The following NPY4R variants were observed in gnomAD, a reference collection of about 807,000 sequenced individuals.
NPY4R encodes the protein neuropeptide Y receptor type 4.
A neutral mutation model predicts 11.9 loss-of-function variants in NPY4R; 2 were observed. The observed-to-expected ratio is 0.17, with a 90% CI of 0.07 to 0.53. The LOEUF is 0.53. NPY4R is among the 20% of genes least tolerant of loss of function. The pLI is 0.94. For synonymous variants in NPY4R, 8 were observed against 121.7 expected, an observed-to-expected ratio of 0.07 and a Z score of 6.15; for missense variants, 26 against 280.2, an observed-to-expected ratio of 0.09 and a Z score of 6.48.
At chr10:46,467,514 C>A (rs1263873490), upstream of NPY4R, among the ~76,000 whole-genome samples, 1 of 150,954 alleles carries the variant, frequency 6.6e-6, no homozygotes, top group African/African-American at 2.4e-5. Flanking sequence ...GCTGCAGAAG[C>A]AGATGTAGCA....
upstream of NPY4R, among the ~76,000 whole-genome samples, chr10:46,466,258 T>TCTCC (rs1841040471): frequency 1.6e-5 from 1 of 62,606 alleles, no homozygotes; most frequent in African/African-American, 1.0e-4. Context: ...TTTCTTTCTT[T>TCTCC]CTTTCCTTTC....
upstream of NPY4R, among the ~76,000 whole-genome samples, chr10:46,466,263 CCTTTCTTTCTTTCTTTCTT>C (rs1841042823): frequency 3.3e-3 from 41 of 12,484 alleles, 2 homozygotes; most frequent in African/African-American, 8.7e-3. Context: ...TTCTTTCTTT[CCTTTCTTTCTTTCTTTCTT>C]TCTCTCTCTC....
At position 46,465,694 on chromosome 10, in the gene NPY4R, T is replaced by C. The variant is rs2133078975; in HGVS notation, c.-232A>G. 1 of 131,840 alleles carries C rather than the reference T, an allele frequency of 7.6e-6. No individual in the cohort carries two copies. The highest frequency in any genetic ancestry group is 2.9e-4 in the East Asian group (1 of 3,480). The allele number at this position is 131,840 out of a possible 1,614,324, so 8.2% of individuals were successfully genotyped here. A position where few individuals can be genotyped will look rare whatever the true frequency, so the allele number is the denominator to read the frequency against. On this transcript the variant is annotated 5_prime_UTR_variant, in exon 1 of 3. The change abolishes the stop of an existing upstream ORF in the 5' untranslated region. Transcript: ENST00000374312. ...ACCCCTTACCTCCTTGGCTTGCGGC[T>C]TACAGGGTGCGGATGGGGCCGCCCA...
chr10:46,464,101 G>A (rs1209990265), intron 1 of NPY4R, among the ~76,000 whole-genome samples: 1 of 149,866 alleles, frequency 6.7e-6, no homozygotes, highest in Non-Finnish European at 1.5e-5. Flanking sequence ...TTTGTCGGCT[G>A]TCATGAATGT....
upstream of NPY4R, among the ~76,000 whole-genome samples, chr10:46,466,187 C>CTCT (rs1372019604): frequency 1.4e-3 from 14 of 9,978 alleles, no homozygotes; most frequent in African/African-American, 6.3e-3. Context: ...TTCTCTCTTT[C>CTCT]TTTCTTTCTT....
chr10:46,463,984 TAA>T (rs2133077033), intron 1 of NPY4R, 99 bp from the exon 2 acceptor site: 1 of 142,964 alleles, frequency 7.0e-6, no homozygotes, highest in African/African-American at 2.7e-5. Flanking sequence ...AGATATTCTT[TAA>T]GTCTCATATC....
upstream of NPY4R, among the ~76,000 whole-genome samples, chr10:46,467,992 T>A (rs1486591965): frequency 9.1e-6 from 1 of 110,082 alleles, no homozygotes; most frequent in Non-Finnish European, 1.9e-5. Context: ...AGCAAACAGC[T>A]CCCTTGCCAG....
upstream of NPY4R, among the ~76,000 whole-genome samples, chr10:46,466,049 C>T (rs1254704584): frequency 6.6e-6 from 1 of 150,614 alleles, no homozygotes; most frequent in African/African-American, 2.4e-5. Context: ...TGCCCCGGGA[C>T]CCCAGCACTC....
chr10:46,466,284 C>CTTTCTT, upstream of NPY4R, among the ~76,000 whole-genome samples: 1 of 33,040 alleles, frequency 3.0e-5, no homozygotes, highest in African/African-American at 1.3e-4. Flanking sequence ...TTCTTTCTTT[C>CTTTCTT]TCTCTCTCTC....
chr10:46,466,249 TTC>T (rs1277829870), upstream of NPY4R, among the ~76,000 whole-genome samples: 16 of 67,802 alleles, frequency 2.4e-4, 2 homozygotes, highest in Admixed American at 1.6e-3. Context: ...CTTTCTTTCT[TTC>T]TTTCTTTCTT....
At position 46,463,904 on chromosome 10, in the gene NPY4R, CTA is replaced by C. The variant is rs1205419131; in HGVS notation, c.-215-21_-215-20del. ...CAGGAATCTGTATTTAACAAGTAGA[CTA>C]TGTGATTCTGATGCACATGGCCCTT... is the stretch of plus-strand genomic sequence containing the variant. On this transcript the variant is annotated intron_variant, in intron 1 of 2. Transcript: ENST00000374312. 2.1e-5 allele frequency: 3 copies of C among 145,328 alleles called. No homozygotes were observed. The highest frequency in any genetic ancestry group is 3.0e-5 in the Non-Finnish European group (2 of 66,946). The allele number at this position is 145,328 out of a possible 1,614,324, so 9.0% of individuals were successfully genotyped here. A position where few individuals can be genotyped will look rare whatever the true frequency, so the allele number is the denominator to read the frequency against.
chr10:46,466,272 C>CTTTCTTTCTT (rs1841046039), upstream of NPY4R, among the ~76,000 whole-genome samples: 1 of 66,032 alleles, frequency 1.5e-5, no homozygotes, highest in East Asian at 2.9e-4. Flanking sequence ...TCCTTTCTTT[C>CTTTCTTTCTT]TTTCTTTCTT....
chr10:46,466,059 C>T (rs1554991104), upstream of NPY4R, among the ~76,000 whole-genome samples: 2 of 150,212 alleles, frequency 1.3e-5, no homozygotes, highest in African/African-American at 2.4e-5. Flanking sequence ...CCCCAGCACT[C>T]GCCCTGGGGA....
upstream of NPY4R, among the ~76,000 whole-genome samples, chr10:46,467,893 AT>A (rs201274411): frequency 3.0e-3 from 317 of 105,068 alleles, no homozygotes; most frequent in Admixed American, 5.2e-3. Flanking sequence ...ACATAGACAC[AT>A]TTGAGAACTA....
At chr10:46,466,181 CTCTTTCTTTCTT>C (rs1171598410), upstream of NPY4R, among the ~76,000 whole-genome samples, 535 of 21,746 alleles carry the variant, frequency 0.025, 34 homozygotes, top group Non-Finnish European at 0.032. Flanking sequence ...CTGTCTTTCT[CTCTTTCTTTCTT>C]TCTTTCTTTC....
At chr10:46,467,885 A>G (rs1554991808), upstream of NPY4R, among the ~76,000 whole-genome samples, 1 of 105,074 alleles carries the variant, frequency 9.5e-6, no homozygotes, top group African/African-American at 3.9e-5. Flanking sequence ...AAGCTTCCAC[A>G]TAGACACATT....
At chr10:46,466,244 T>TTCCTTCC (rs1588926562), upstream of NPY4R, among the ~76,000 whole-genome samples, 1 of 72,418 alleles carries the variant, frequency 1.4e-5, no homozygotes, top group African/African-American at 8.1e-5. Flanking sequence ...TCTTTCTTTC[T>TTCCTTCC]TTCTTTCTTT....
upstream of NPY4R, among the ~76,000 whole-genome samples, chr10:46,468,157 C>A (rs1554991916): frequency 8.1e-6 from 1 of 124,188 alleles, no homozygotes; most frequent in South Asian, 2.8e-4. Context: ...ACTTTCAATC[C>A]AAAGTCCAAG....
chr10:46,466,183 CTT>C (rs1191724678), upstream of NPY4R, among the ~76,000 whole-genome samples: 53,405 of 92,220 alleles, frequency 0.58, 16,884 homozygotes, highest in African/African-American at 0.64. Flanking sequence ...GTCTTTCTCT[CTT>C]TCTTTCTTTC....
Sources: allele counts gnomAD v4.1 joint callset (sites outside exome capture counted in the v4.1 genomes callset), GRCh38; gene constraint gnomAD v4.1.1; transcripts MANE v1.5; gene names NCBI Gene and HGNC (gene_info 2026-07-23, HGNC 2026-07-21).